RETREG3: variants seen among roughly 807,000 people sequenced by gnomAD.
RETREG3 encodes the protein reticulophagy regulator family member 3, also known as reticulophagy regulator 3.
Under a neutral mutation model 50.2 loss-of-function variants are expected in RETREG3, and 23 were observed. The observed-to-expected ratio is 0.46, with a 90% confidence interval of 0.33 to 0.65. RETREG3 has a LOEUF of 0.65. Among genes scored for constraint, RETREG3 ranks in the 30% least tolerant of loss-of-function variants. The probability of loss-of-function intolerance (pLI) is 0.02; values close to 1 mark genes in which losing one functional copy is unlikely to be tolerated. For missense variants in RETREG3, 546 were observed against 598.0 expected (o/e 0.91, Z 0.91); for synonymous variants, 240 against 234.4 (o/e 1.02, Z -0.22).
rs748757048 is a variant in RETREG3, at chr17:42,586,084, G to A, written c.558C>T (p.Tyr186=). Residue 186 remains tyrosine, a synonymous_variant, in exon 5 of 9, where the codon TAC becomes TAT. Coordinates refer to ENST00000309428, the MANE Select transcript of RETREG3 (RefSeq NM_178126.4). ...AGTAGGACAGCAGAAGCCCAGGGAC[G>A]TAGCGGCCCAAGACAGCCAAAAAGG... The part of the protein sequence containing the change: ...ILTFLAVLGR[Y]VPGLLLSYLM... The A allele has an allele frequency of 4.5e-5, 72 of 1,614,068 alleles. No homozygotes were observed. Among genetic ancestry groups the A allele is most frequent in the Non-Finnish European group, 5.3e-5 (62 of 1,180,000 alleles).
chr17:42,583,007 CA>C (rs1035920156), intron 7 of RETREG3, among the ~76,000 whole-genome samples: 2 of 151,514 alleles, frequency 1.3e-5, no homozygotes, highest in Non-Finnish European at 2.9e-5. Context: ...GTAACAACAA[CA>C]AAAAAAATCT....
At chr17:42,604,881 C>G (rs1330160604) in intron 1 of RETREG3, among the ~76,000 whole-genome samples, 1 of 152,004 alleles carries the variant, frequency 6.6e-6, no homozygotes, top group Non-Finnish European at 1.5e-5. Flanking sequence ...TTTTCTGATC[C>G]TGTCAGGATA....
intron 6 of RETREG3, among the ~76,000 whole-genome samples, chr17:42,584,580 C>A (rs1420425742): frequency 6.6e-6 from 1 of 152,126 alleles, no homozygotes; most frequent in African/African-American, 2.4e-5. Context: ...AACGCCAAGG[C>A]AGGAGGATCG....
chr17:42,601,628 CTTTTTTTTTT>C (rs750926453), intron 1 of RETREG3, among the ~76,000 whole-genome samples: 5 of 79,786 alleles, frequency 6.3e-5, no homozygotes, highest in Non-Finnish European at 1.1e-4. Flanking sequence ...AAGGTTCCAA[CTTTTTTTTTT>C]TTTTTTTTTT....
In RETREG3 at chr17:42,609,284, G is replaced by C. The variant is rs745753278; in HGVS notation, c.41C>G (p.Ala14Gly). 6 of 1,603,666 alleles carry C rather than the reference G, an allele frequency of 3.7e-6. No homozygotes were observed. Among genetic ancestry groups the C allele is most frequent in the Non-Finnish European group, 5.1e-6 (6 of 1,179,742 alleles). Reference sequence around the variant, plus strand: ...GCGGCCCCTGAAAGTCGACCCCGAAGCCGGGCCTGGGGTCGTGGGAACCCC... The same window carrying C: ...GCGGCCCCTGAAAGTCGACCCCGAACCCGGGCCTGGGGTCGTGGGAACCCC... ...AEGVPTTPGP[A>G]SGSTFRGRRD... Residue 14 changes from alanine to glycine, a missense_variant, in exon 1 of 9, where the codon GCT (alanine) becomes GGT (glycine). Transcript: ENST00000309428.
rs777925309 is a variant in RETREG3 at position 42,583,469 on chromosome 17, C to T, written c.810+29G>A. 7 of 1,607,790 alleles carry T rather than the reference C, an allele frequency of 4.4e-6. No homozygotes were observed. In the Admixed American group the frequency reaches 1.0e-4, roughly 23 times the overall value. ...TAAAAGGTAGCTAAAGAAAACTGGA[C>T]AGTGAAGCAGCTCCCACACTCAAGA... is the stretch of plus-strand genomic sequence containing the variant. On this transcript the variant is annotated intron_variant, in intron 7 of 8. Transcript: ENST00000309428.
At chr17:42,584,715 G>T (rs922801750) in intron 6 of RETREG3, among the ~76,000 whole-genome samples, 6 of 151,658 alleles carry the variant, frequency 4.0e-5, no homozygotes, top group African/African-American at 1.5e-4. Flanking sequence ...GTTTGGCGGG[G>T]CTGAGTAGAA....
intron 3 of RETREG3, 77 bp from the exon 4 acceptor site, chr17:42,586,968 C>G (rs1315098113): frequency 6.4e-7 from 1 of 1,574,744 alleles, no homozygotes; most frequent in African/African-American, 1.4e-5. Context: ...GCAGCCAGTG[C>G]TTCCGGTTTT....
intron 8 of RETREG3, 87 bp downstream of exon 8, chr17:42,582,587 G>A (rs2143368335): frequency 2.6e-6 from 4 of 1,559,718 alleles, no homozygotes; most frequent in Non-Finnish European, 3.5e-6. Context: ...AACAGGAGAG[G>A]GGCAAGCACC....
At chr17:42,602,254 T>G (rs1431326524) in intron 1 of RETREG3, among the ~76,000 whole-genome samples, 1 of 151,768 alleles carries the variant, frequency 6.6e-6, no homozygotes, top group Non-Finnish European at 1.5e-5. Flanking sequence ...GAGGCAGAGG[T>G]TGCAGTGAGC....
intron 6 of RETREG3, among the ~76,000 whole-genome samples, chr17:42,584,055 A>C (rs2093116088): frequency 6.6e-6 from 1 of 152,104 alleles, no homozygotes; most frequent in Admixed American, 6.5e-5. Flanking sequence ...TGATCCGCCC[A>C]CCTCAGCCTC....
chr17:42,597,825 T>G (rs1032871703), intron 1 of RETREG3, among the ~76,000 whole-genome samples: 1 of 150,548 alleles, frequency 6.6e-6, no homozygotes, highest in African/African-American at 2.4e-5. Context: ...AGACGGAGTT[T>G]CGTCTTGTTG....
rs755116530 is a variant in RETREG3 at position 42,582,181 on chromosome 17, C to G, written c.1033G>C (p.Asp345His). ...ATGCCAATGCTAGTGTCGTCCTCAT[C>G]ATCCAGGCCAGCAGGATCCATATTA... ...SINMDPAGLDDEDDTSIGMPS... is the reference protein window; with the variant it reads ...SINMDPAGLDHEDDTSIGMPS... The change falls in exon 9 of 9, where the codon GAT becomes CAT. Residue 345 changes from aspartate to histidine, a missense_variant. Transcript: ENST00000309428. 2 of 1,614,016 alleles carry G rather than the reference C, an allele frequency of 1.2e-6. No homozygotes were observed. The highest frequency in any genetic ancestry group is 8.5e-7 in the Non-Finnish European group (1 of 1,180,038).
chr17:42,592,228 G>T, intron 1 of RETREG3, 66 bp from the exon 2 acceptor site: 1 of 1,346,682 alleles, frequency 7.4e-7, no homozygotes, highest in Non-Finnish European at 1.0e-6. Context: ...AAAAGGCCAC[G>T]TGTGTACGAT....
Position 42,582,113 on chromosome 17 carries a change from G to A in RETREG3, c.1101C>T (p.Pro367=). ...CGTCCCGGCTGGCAGGTGGGGCCTG[G>A]GGCTCCTCAGCCCCTGGCGGAGAAC... The part of the protein sequence containing the change: ...MYRSPPGAEE[P]QAPPASRDEA... Residue 367 remains proline (P), a synonymous_variant, in exon 9 of 9, where the codon CCC becomes CCT. Transcript: ENST00000309428. 1 of 1,614,064 alleles carries A rather than the reference G, an allele frequency of 6.2e-7. No homozygotes were observed. Among genetic ancestry groups the A allele is most frequent in the Non-Finnish European group, 8.5e-7 (1 of 1,180,016 alleles).
intron 1 of RETREG3, among the ~76,000 whole-genome samples, chr17:42,606,754 G>A (rs982503343): frequency 9.2e-5 from 14 of 152,240 alleles, no homozygotes; most frequent in African/African-American, 2.6e-4. Flanking sequence ...CCAGCACATC[G>A]GGAGGCTGAG....
rs2093108761 is a variant in RETREG3 at position 42,581,597 on chromosome 17, C to T, written c.*216G>A. On this transcript the variant is annotated 3_prime_UTR_variant, in exon 9 of 9. Coordinates refer to ENST00000309428, the MANE Select transcript of RETREG3 (RefSeq NM_178126.4). ...GAGAAGCCTCCCTTGGGGGAGCACACTCTCACTTCAGTGACTGAGCTCAGA... is the reference window on the plus strand; with the variant it reads ...GAGAAGCCTCCCTTGGGGGAGCACATTCTCACTTCAGTGACTGAGCTCAGA... 1.9e-6 allele frequency: 1 copy of T among 531,086 alleles called. No individual in the cohort carries two copies. Among genetic ancestry groups the T allele is most frequent in the Non-Finnish European group, 3.3e-6 (1 of 302,392 alleles). The allele number at this position is 531,086 out of a possible 1,614,324, so 32.9% of individuals were successfully genotyped here. A position where few individuals can be genotyped will look rare whatever the true frequency, so the allele number is the denominator to read the frequency against.
intron 1 of RETREG3, chr17:42,608,858 GGCGGGGGT>G (rs1266413208): frequency 1.9e-6 from 1 of 539,388 alleles, no homozygotes. Flanking sequence ...AGATGTGCGG[GGCGGGGGT>G]GCGGGCACAG....
chr17:42,603,597 G>C (rs567281225), intron 1 of RETREG3, among the ~76,000 whole-genome samples: 5 of 152,114 alleles, frequency 3.3e-5, no homozygotes, highest in African/African-American at 1.2e-4. Context: ...ATAAACCAAG[G>C]CATCCTTGGG....
Sources: allele counts gnomAD v4.1 joint callset (sites outside exome capture counted in the v4.1 genomes callset), GRCh38; gene constraint gnomAD v4.1.1; transcripts MANE v1.5; gene names NCBI Gene and HGNC (gene_info 2026-07-23, HGNC 2026-07-21).